The following BLTP1 variants were observed in gnomAD, a reference collection of about 807,000 sequenced individuals.
BLTP1 encodes fragile site-associated protein.
At chr4:122,361,846 T>C in the BLTP1 span, 1 of 205,536 alleles carries the variant, frequency 4.9e-6, no homozygotes, top group African/African-American at 2.4e-5. Flanking sequence ...ATCATACATA[T>C]ATTATTTTTT....
At chr4:122,259,846 G>A in the BLTP1 span, 8 of 629,616 alleles carry the variant, frequency 1.3e-5, no homozygotes, top group Non-Finnish European at 1.2e-5. Context: ...GCGACAGAGC[G>A]AGACGCCATC....
chr4:122,154,303 G>A, the BLTP1 span: 3 of 980,946 alleles, frequency 3.1e-6, no homozygotes, highest in Non-Finnish European at 3.6e-6. Flanking sequence ...AGCCTCCCAA[G>A]TAGCTGGGTC....
the BLTP1 span, chr4:122,341,663 G>T: frequency 8.2e-6 from 8 of 976,440 alleles, no homozygotes; most frequent in Non-Finnish European, 9.7e-6. Context: ...AAGGAATGAT[G>T]ATAAGAATAT....
chr4:122,209,482 T>G, the BLTP1 span: 11 of 825,858 alleles, frequency 1.3e-5, no homozygotes, highest in Non-Finnish European at 1.9e-5. Context: ...TTGTCTCTAG[T>G]AAATATACAA....
At chr4:122,333,710 C>A in the BLTP1 span, 1 of 1,611,952 alleles carries the variant, frequency 6.2e-7, no homozygotes, top group African/African-American at 1.3e-5. Context: ...ATGCTTCTAC[C>A]ACCCATTTAA....
the BLTP1 span, chr4:122,272,412 A>G: frequency 6.2e-7 from 1 of 1,604,538 alleles, no homozygotes. Context: ...AAAGGTATGA[A>G]TGATTTTTCT....
chr4:122,275,441 A>G, the BLTP1 span, among the ~76,000 whole-genome samples: 9 of 152,258 alleles, frequency 5.9e-5, no homozygotes, highest in African/African-American at 2.2e-4. Context: ...GTCATAGACC[A>G]TGGATTCCAC....
the BLTP1 span, chr4:122,261,201 C>A: frequency 1.6e-6 from 1 of 626,632 alleles, no homozygotes; most frequent in Non-Finnish European, 2.0e-6. Context: ...GAAGACTGAA[C>A]TATTGAGCTT....
chr4:122,268,749 CAGAG>C, the BLTP1 span, among the ~76,000 whole-genome samples: 1 of 152,100 alleles, frequency 6.6e-6, no homozygotes, highest in African/African-American at 2.4e-5. Context: ...GGATTTATTA[CAGAG>C]AGAGAAACAA....
chr4:122,334,173 A>T, the BLTP1 span: 1 of 240,814 alleles, frequency 4.2e-6, no homozygotes, highest in Non-Finnish European at 6.7e-6. Context: ...TGACCTTTTT[A>T]TTTTAAAAAA....
the BLTP1 span, chr4:122,276,139 A>G: frequency 2.3e-6 from 2 of 854,134 alleles, no homozygotes; most frequent in Non-Finnish European, 3.3e-6. Context: ...TGTAGCTGTA[A>G]TATAGGCCCT....
the BLTP1 span, chr4:122,189,405 A>G: frequency 1.0e-6 from 1 of 983,848 alleles, no homozygotes; most frequent in Non-Finnish European, 1.2e-6. Flanking sequence ...CGTTCATTCC[A>G]GAGTTAGAGT....
At chr4:122,216,085 GTCTATCTATCTATCTA>G in the BLTP1 span, among the ~76,000 whole-genome samples, 7,476 of 144,382 alleles carry the variant, frequency 0.052, 517 homozygotes, top group East Asian at 0.24. Context: ...ATCTTTGTCT[GTCTATCTATCTATCTA>G]TCTATCTATC....
chr4:122,301,249 TA>T, the BLTP1 span: 1 of 1,484,604 alleles, frequency 6.7e-7, no homozygotes, highest in Admixed American at 2.6e-5. Flanking sequence ...ACAAAATAGT[TA>T]TTTTTTTTCT....
At chr4:122,208,274 AG>A in the BLTP1 span, 6 of 641,530 alleles carry the variant, frequency 9.4e-6, no homozygotes, top group Non-Finnish European at 1.2e-5. Context: ...ACATTAGGAA[AG>A]TGAGGAACAG....
At chr4:122,187,576 A>G in the BLTP1 span, 1 of 1,484,970 alleles carries the variant, frequency 6.7e-7, no homozygotes, top group Non-Finnish European at 9.1e-7. Context: ...TAATTTTTGC[A>G]AATATGATTT....
chr4:122,244,004 C>T, the BLTP1 span: 2 of 1,597,052 alleles, frequency 1.3e-6, no homozygotes, highest in East Asian at 4.5e-5. Context: ...TTTTGACTCC[C>T]CTGGTGGCTG....
At chr4:122,174,561 C>G in the BLTP1 span, 2 of 1,603,730 alleles carry the variant, frequency 1.2e-6, no homozygotes, top group Non-Finnish European at 1.7e-6. Context: ...CTGTTTTTTC[C>G]TTCCTATAAC....
At chr4:122,354,792 G>T in the BLTP1 span, among the ~76,000 whole-genome samples, 1 of 150,980 alleles carries the variant, frequency 6.6e-6, no homozygotes, top group Non-Finnish European at 1.5e-5. Context: ...TCAGCCTCCT[G>T]AGTAGCTGGG....
Sources: gnomAD v4.1 joint callset for allele counts (sites outside exome capture counted in the v4.1 genomes callset) on GRCh38, gnomAD v4.1.1 for gene constraint, MANE v1.5 for transcripts, NCBI Gene and HGNC (gene_info 2026-07-23, HGNC 2026-07-21) for gene names.